The following TTC21B variants were observed in gnomAD, a reference collection of about 807,000 sequenced individuals.
The protein encoded by TTC21B is tetratricopeptide repeat domain 21B.
TTC21B carries 127 observed loss-of-function variants against 175.1 expected under a neutral mutation model. The ratio of observed to expected loss-of-function variants is 0.73; its 90% CI spans 0.63 to 0.84. The LOEUF (loss-of-function observed/expected upper bound fraction) is 0.84. Among genes scored for constraint, TTC21B ranks in the 40% least tolerant of loss-of-function variants. TTC21B has a pLI of 0.00. For synonymous variants in TTC21B, 524 were observed against 524.5 expected (o/e 1.00, Z 0.01); for missense variants, 1,561 against 1,558.3 (o/e 1.00, Z -0.03).
chr2:165,931,660 C>T, intron 8 of TTC21B, 98 bp downstream of exon 8: 1 of 994,014 alleles, frequency 1.0e-6, no homozygotes. Context: ...CATATTTGCA[C>T]TCTAGGCCAT....
intron 19 of TTC21B, among the ~76,000 whole-genome samples, chr2:165,902,983 G>T (rs1685617617): frequency 6.6e-6 from 1 of 152,174 alleles, no homozygotes. Flanking sequence ...CAAGTTTCCA[G>T]GCAGCAGCCT....
intron 26 of TTC21B, 152 bp from the exon 27 acceptor site, chr2:165,880,951 C>A: frequency 1.3e-6 from 1 of 754,142 alleles, no homozygotes; most frequent in South Asian, 1.7e-5. Flanking sequence ...AAATTTTTTA[C>A]TGAACTTAAT....
intron 14 of TTC21B, among the ~76,000 whole-genome samples, chr2:165,915,852 G>A (rs1282050221): frequency 6.6e-6 from 1 of 152,148 alleles, no homozygotes; most frequent in Non-Finnish European, 1.5e-5. Flanking sequence ...TGTGTACCTT[G>A]ATGAATCTAA....
In TTC21B at chr2:165,878,124, G is replaced by A. The variant is rs145861955; in HGVS notation, c.3806-1892C>T. On this transcript the variant is annotated intron_variant, in intron 27 of 28. Coordinates refer to ENST00000243344, the MANE Select transcript of TTC21B (RefSeq NM_024753.5). ...ATTTTAAAAATCATATAAAATACTT[G>A]TGAAATGGTTTTTAAAACCTTAGAA... Among the ~76,000 whole-genome samples the A allele has an allele frequency of 1.9e-3, 282 of 152,244 alleles. 1 individual carries two copies. The highest frequency in any genetic ancestry group is 6.6e-3 in the African/African-American group (276 of 41,546).
chr2:165,931,280 T>C (rs934494408), intron 8 of TTC21B, among the ~76,000 whole-genome samples: 3 of 152,168 alleles, frequency 2.0e-5, no homozygotes, highest in African/African-American at 7.2e-5. Flanking sequence ...TTTGAGATTC[T>C]ACTGTATTTT....
intron 18 of TTC21B, among the ~76,000 whole-genome samples, chr2:165,910,928 G>C (rs186212222): frequency 6.6e-6 from 1 of 152,132 alleles, no homozygotes; most frequent in Admixed American, 6.5e-5. Context: ...GGTAATTTGA[G>C]AACAAGGCAA....
intron 19 of TTC21B, among the ~76,000 whole-genome samples, chr2:165,906,894 G>A (rs1236388931): frequency 1.4e-5 from 2 of 145,518 alleles, no homozygotes; most frequent in Admixed American, 7.1e-5. Flanking sequence ...GGCAGAGGTT[G>A]CAGTGAGCTG....
intron 27 of TTC21B, among the ~76,000 whole-genome samples, chr2:165,877,413 A>G (rs1324611205): frequency 2.0e-5 from 3 of 152,220 alleles, no homozygotes; most frequent in African/African-American, 4.8e-5. Flanking sequence ...GACCACATAC[A>G]TGATGGTGGT....
chr2:165,931,884 T>G, intron 7 of TTC21B, 28 bp from the exon 8 acceptor site: 2 of 1,441,382 alleles, frequency 1.4e-6, no homozygotes, highest in Non-Finnish European at 2.0e-6. Flanking sequence ...GGTATTAACT[T>G]AAAATATACT....
At chr2:165,921,843 A>C (rs1453667522) in intron 12 of TTC21B, among the ~76,000 whole-genome samples, 1 of 149,148 alleles carries the variant, frequency 6.7e-6, no homozygotes, top group Non-Finnish European at 1.5e-5. Flanking sequence ...TTTTATTTCA[A>C]TAGGTTTTTG....
chr2:165,933,820 G>C (rs996613457), intron 6 of TTC21B: 1 of 152,298 alleles, frequency 6.6e-6, no homozygotes, highest in Admixed American at 6.5e-5. Context: ...AATGTGGGCA[G>C]GAATAGCAGT....
At chr2:165,950,481 C>A (rs1687726351) in intron 1 of TTC21B, among the ~76,000 whole-genome samples, 1 of 152,188 alleles carries the variant, frequency 6.6e-6, no homozygotes, top group South Asian at 2.1e-4. Flanking sequence ...CACTAGGATA[C>A]ACCTGATTCA....
intron 26 of TTC21B, among the ~76,000 whole-genome samples, chr2:165,881,216 C>G (rs1292240304): frequency 6.6e-6 from 1 of 152,132 alleles, no homozygotes; most frequent in Non-Finnish European, 1.5e-5. Context: ...CAGAAAAAAT[C>G]CTCAGATATT....
intron 22 of TTC21B, among the ~76,000 whole-genome samples, chr2:165,898,386 C>T (rs993488604): frequency 2.6e-5 from 4 of 151,946 alleles, no homozygotes; most frequent in Admixed American, 2.0e-4. Flanking sequence ...AGAAATGGGG[C>T]AAGGGTGATG....
intron 21 of TTC21B, among the ~76,000 whole-genome samples, chr2:165,899,199 CTTATTA>C (rs919202968): frequency 6.6e-6 from 1 of 152,090 alleles, no homozygotes; most frequent in Non-Finnish European, 1.5e-5. Context: ...TGACATTTTT[CTTATTA>C]TGTGTTTAAA....
chr2:165,936,372 A>G (rs562854777), intron 6 of TTC21B, among the ~76,000 whole-genome samples: 1 of 152,256 alleles, frequency 6.6e-6, no homozygotes, highest in Admixed American at 6.5e-5. Context: ...AAGATAATAC[A>G]GGAGAAAATC....
intron 6 of TTC21B, chr2:165,934,606 A>G (rs1316637906): frequency 9.0e-6 from 1 of 111,458 alleles, no homozygotes; most frequent in Admixed American, 8.7e-5. Context: ...GCTCACTTAA[A>G]AAAAAAAAAA....
chr2:165,947,528 A>G (rs1687625545), intron 3 of TTC21B: 1 of 151,856 alleles, frequency 6.6e-6, no homozygotes, highest in African/African-American at 2.4e-5. Flanking sequence ...TTAAACAGCC[A>G]TGATACAGAA....
intron 5 of TTC21B, among the ~76,000 whole-genome samples, 183 bp from the exon 6 acceptor site, chr2:165,941,367 T>C (rs973951378): frequency 3.3e-5 from 5 of 152,176 alleles, no homozygotes; most frequent in Non-Finnish European, 5.9e-5. Flanking sequence ...ATACATTATA[T>C]AAGCTATTGT....
Sources: allele counts gnomAD v4.1 joint callset (sites outside exome capture counted in the v4.1 genomes callset), GRCh38; gene constraint gnomAD v4.1.1; transcripts MANE v1.5; gene names NCBI Gene and HGNC (gene_info 2026-07-23, HGNC 2026-07-21).